The following EPHB1 variants were observed in gnomAD, a reference collection of about 807,000 sequenced individuals.
EPHB1 encodes the protein ephrin type-B receptor 1.
In EPHB1, 30 loss-of-function variants were observed where a neutral mutation model predicts 94.4. The observed-to-expected ratio is 0.32, with a 90% CI of 0.24 to 0.43. EPHB1 has a LOEUF of 0.43. Among genes scored for constraint, EPHB1 ranks in the 20% least tolerant of loss-of-function variants. The probability of loss-of-function intolerance (pLI) is 1.00; values close to 1 mark genes in which losing one functional copy is unlikely to be tolerated. For missense variants in EPHB1, 1,055 were observed against 1,308.3 expected (o/e 0.81, Z 2.99); for synonymous variants, 522 against 489.1 (o/e 1.07, Z -0.89).
chr3:135,043,260 A>T (rs866558189), intron 3 of EPHB1, among the ~76,000 whole-genome samples: 26 of 148,600 alleles, frequency 1.7e-4, no homozygotes, highest in African/African-American at 5.6e-4. Flanking sequence ...ATCAAATAAT[A>T]AATAATAATA....
At chr3:134,961,070 G>A (rs1307026463) in intron 3 of EPHB1, among the ~76,000 whole-genome samples, 1 of 152,178 alleles carries the variant, frequency 6.6e-6, no homozygotes, top group African/African-American at 2.4e-5. Flanking sequence ...TTTAGGTCAT[G>A]CGGGTTGGAT....
chr3:134,861,523 A>G (rs2037258586), intron 1 of EPHB1, among the ~76,000 whole-genome samples: 1 of 152,198 alleles, frequency 6.6e-6, no homozygotes, highest in Non-Finnish European at 1.5e-5. Context: ...AGGCAGACGG[A>G]TTTCAGAATA....
chr3:135,148,695 C>T (rs1941094406), intron 5 of EPHB1, among the ~76,000 whole-genome samples: 2 of 152,208 alleles, frequency 1.3e-5, no homozygotes, highest in Admixed American at 1.3e-4. Context: ...TGTGCTCTTC[C>T]TCTGCTGTAT....
chr3:135,209,634 G>T (rs1030877517), intron 12 of EPHB1, among the ~76,000 whole-genome samples: 4 of 152,178 alleles, frequency 2.6e-5, no homozygotes, highest in Admixed American at 2.0e-4. Flanking sequence ...AGATTGAGGG[G>T]CATGATACTG....
intron 15 of EPHB1, among the ~76,000 whole-genome samples, chr3:135,254,287 G>A (rs1405577750): frequency 1.4e-5 from 1 of 73,292 alleles, no homozygotes; most frequent in Admixed American, 1.7e-4. Flanking sequence ...TCCCTGTCTT[G>A]TGCCAGTTTT....
intron 3 of EPHB1, among the ~76,000 whole-genome samples, chr3:135,063,757 T>C (rs534169240): frequency 1.4e-4 from 21 of 152,314 alleles, no homozygotes; most frequent in Non-Finnish European, 2.9e-4. Context: ...TGGGCATCCT[T>C]GTCTTGTTCC....
chr3:134,897,759 C>T (rs1032037633), intron 1 of EPHB1, among the ~76,000 whole-genome samples: 1 of 152,190 alleles, frequency 6.6e-6, no homozygotes, highest in South Asian at 2.1e-4. Context: ...CTAGGATTGT[C>T]TGTGAAAGAA....
chr3:135,026,148 T>C (rs1244327629), intron 3 of EPHB1, among the ~76,000 whole-genome samples: 1 of 138,422 alleles, frequency 7.2e-6, no homozygotes, highest in African/African-American at 2.7e-5. Flanking sequence ...AAAAATTTTC[T>C]CCCATTTTGT....
intron 3 of EPHB1, among the ~76,000 whole-genome samples, chr3:135,058,949 C>T (rs998182810): frequency 1.3e-5 from 2 of 152,230 alleles, no homozygotes; most frequent in African/African-American, 2.4e-5. Context: ...TCTCAGAACA[C>T]TCAATGACAC....
chr3:134,812,305 C>T (rs1026310786), intron 1 of EPHB1, among the ~76,000 whole-genome samples: 2 of 152,198 alleles, frequency 1.3e-5, no homozygotes, highest in African/African-American at 2.4e-5. Context: ...TTGGCAACCA[C>T]TGATAAAATT....
chr3:134,989,029 A>G (rs148782514), intron 3 of EPHB1, among the ~76,000 whole-genome samples: 519 of 152,318 alleles, frequency 3.4e-3, no homozygotes, highest in Non-Finnish European at 6.3e-3. Context: ...TCTGCTGTCT[A>G]TCATGCTCTA....
chr3:135,181,236 G>A (rs762384178), intron 10 of EPHB1, among the ~76,000 whole-genome samples: 3 of 152,176 alleles, frequency 2.0e-5, no homozygotes, highest in Non-Finnish European at 4.4e-5. Context: ...CATAAGTGTG[G>A]TGGGTGCTGG....
At chr3:135,133,866 C>T (rs746590084) in intron 5 of EPHB1, among the ~76,000 whole-genome samples, 2 of 152,146 alleles carry the variant, frequency 1.3e-5, no homozygotes, top group South Asian at 2.1e-4. Context: ...CTTATTTATT[C>T]GTTCATCATT....
At chr3:134,824,594 C>G (rs760250914) in intron 1 of EPHB1, among the ~76,000 whole-genome samples, 1 of 152,146 alleles carries the variant, frequency 6.6e-6, no homozygotes, top group Non-Finnish European at 1.5e-5. Flanking sequence ...AACTTTCCTC[C>G]CCTTAAGTAT....
intron 12 of EPHB1, among the ~76,000 whole-genome samples, chr3:135,203,422 A>G (rs1471385482): frequency 1.3e-5 from 2 of 152,236 alleles, no homozygotes; most frequent in Non-Finnish European, 2.9e-5. Context: ...ATTTAAAAAA[A>G]AGAATAAAAA....
At chr3:135,076,262 A>ATAT (rs1559820194) in intron 3 of EPHB1, among the ~76,000 whole-genome samples, 1 of 68,914 alleles carries the variant, frequency 1.5e-5, no homozygotes, top group East Asian at 7.5e-4. Flanking sequence ...TATATATATA[A>ATAT]CTCTTAAATG....
intron 3 of EPHB1, among the ~76,000 whole-genome samples, chr3:134,981,492 C>T (rs1934400985): frequency 1.3e-5 from 2 of 152,140 alleles, no homozygotes; most frequent in Non-Finnish European, 2.9e-5. Context: ...ACTCACTTTC[C>T]AGAGCTAAAA....
intron 3 of EPHB1, among the ~76,000 whole-genome samples, chr3:134,991,476 T>C (rs1934796433): frequency 6.6e-6 from 1 of 152,204 alleles, no homozygotes; most frequent in African/African-American, 2.4e-5. Flanking sequence ...ATCTGCAGTT[T>C]ATGTTTCCAT....
intron 1 of EPHB1, among the ~76,000 whole-genome samples, chr3:134,875,409 T>G (rs557167788): frequency 6.6e-6 from 1 of 152,108 alleles, no homozygotes; most frequent in African/African-American, 2.4e-5. Flanking sequence ...GTGGGCAGTA[T>G]GAGAGGTCTC....
Sources: allele counts gnomAD v4.1 joint callset (sites outside exome capture counted in the v4.1 genomes callset), GRCh38; gene constraint gnomAD v4.1.1; transcripts MANE v1.5; gene names NCBI Gene and HGNC (gene_info 2026-07-23, HGNC 2026-07-21).